PCCA: variants seen among roughly 807,000 people sequenced by gnomAD.
PCCA encodes the protein propionyl-CoA carboxylase subunit alpha.
In PCCA, 74 loss-of-function variants were observed where a neutral mutation model predicts 101.3. The observed-to-expected ratio is 0.73, with a 90% CI of 0.61 to 0.89. The LOEUF is 0.89. Ranked by LOEUF, PCCA falls within the 40% of genes least tolerant of loss-of-function variation. The pLI, the probability that PCCA is intolerant of heterozygous loss-of-function variation, is 0.00. For missense variants in PCCA, 891 were observed against 907.0 expected (o/e 0.98, Z 0.23); for synonymous variants, 294 against 313.6 (o/e 0.94, Z 0.66).
At chr13:100,317,039 A>G (rs912153704) in intron 16 of PCCA, among the ~76,000 whole-genome samples, 1 of 152,084 alleles carries the variant, frequency 6.6e-6, no homozygotes. Context: ...TCCCAAAATG[A>G]ACAATACTAT....
chr13:100,140,533 G>T (rs1338982742), intron 4 of PCCA, among the ~76,000 whole-genome samples: 1 of 152,178 alleles, frequency 6.6e-6, no homozygotes, highest in Non-Finnish European at 1.5e-5. Context: ...CTCCATCAGT[G>T]TCCCCATGCC....
intron 6 of PCCA, among the ~76,000 whole-genome samples, chr13:100,207,347 C>A (rs1377383563): frequency 6.6e-6 from 1 of 152,030 alleles, no homozygotes; most frequent in Non-Finnish European, 1.5e-5. Flanking sequence ...CTTTTCTACT[C>A]ATTTTCTCTG....
At chr13:100,403,907 C>A (rs1052997915) in intron 19 of PCCA, among the ~76,000 whole-genome samples, 2 of 152,108 alleles carry the variant, frequency 1.3e-5, no homozygotes, top group African/African-American at 2.4e-5. Flanking sequence ...TTCCAAGAAC[C>A]CCCTCCCTCC....
At chr13:100,181,187 T>C (rs1193183422) in intron 6 of PCCA, among the ~76,000 whole-genome samples, 2 of 152,298 alleles carry the variant, frequency 1.3e-5, no homozygotes, top group East Asian at 1.9e-4. Flanking sequence ...TTGGGAGATA[T>C]ATTTTTGGAA....
At chr13:100,283,446 A>G (rs1267662050) in intron 12 of PCCA, among the ~76,000 whole-genome samples, 3 of 152,198 alleles carry the variant, frequency 2.0e-5, no homozygotes, top group Non-Finnish European at 4.4e-5. Flanking sequence ...GCCATAACTC[A>G]GGGAAAGGAA....
At chr13:100,245,340 G>C (rs948673489) in intron 8 of PCCA, among the ~76,000 whole-genome samples, 1 of 152,164 alleles carries the variant, frequency 6.6e-6, no homozygotes, top group African/African-American at 2.4e-5. Context: ...TTCTGAACTA[G>C]ATTCCTTGGA....
At chr13:100,502,732 G>T (rs3783180) in intron 21 of PCCA, among the ~76,000 whole-genome samples, 33,335 of 152,214 alleles carry the variant, frequency 0.22, 4,762 homozygotes, top group East Asian at 0.55. Flanking sequence ...GGTAGGATAT[G>T]AGACAGACTC....
intron 4 of PCCA, among the ~76,000 whole-genome samples, chr13:100,146,929 AGGAGAAT>A (rs1248632359): frequency 6.6e-6 from 1 of 151,808 alleles, no homozygotes; most frequent in Non-Finnish European, 1.5e-5. Context: ...GTCCAATACT[AGGAGAAT>A]GGTTAAATAA....
intron 21 of PCCA, among the ~76,000 whole-genome samples, chr13:100,474,046 C>A (rs1273388974): frequency 6.6e-6 from 1 of 152,160 alleles, no homozygotes; most frequent in Non-Finnish European, 1.5e-5. Flanking sequence ...GTTCCCTGTG[C>A]CACCTGCCAT....
intron 20 of PCCA, 40 bp from the exon 21 acceptor site, chr13:100,449,212 C>A: frequency 1.6e-6 from 2 of 1,276,396 alleles, no homozygotes; most frequent in South Asian, 2.6e-5. Flanking sequence ...ACAAGCTGTG[C>A]AGATATGAGT....
intron 21 of PCCA, chr13:100,464,373 T>C (rs1220008768): frequency 6.6e-6 from 1 of 152,228 alleles, no homozygotes; most frequent in Non-Finnish European, 1.5e-5. Context: ...TATCTGCTTT[T>C]ATGGAGATGG....
intron 21 of PCCA, among the ~76,000 whole-genome samples, chr13:100,498,843 T>A (rs1466162473): frequency 1.3e-5 from 2 of 152,226 alleles, no homozygotes; most frequent in Non-Finnish European, 2.9e-5. Context: ...GAGTGATATT[T>A]CCTGGGGTGG....
At chr13:100,247,318 A>G (rs2061496414) in intron 8 of PCCA, among the ~76,000 whole-genome samples, 1 of 145,100 alleles carries the variant, frequency 6.9e-6, no homozygotes, top group African/African-American at 2.6e-5. Flanking sequence ...CCAGGTTCAC[A>G]CCGTTCTCTT....
intron 21 of PCCA, among the ~76,000 whole-genome samples, chr13:100,471,525 G>C (rs1185971483): frequency 6.6e-6 from 1 of 152,170 alleles, no homozygotes; most frequent in Admixed American, 6.5e-5. Context: ...ACACAATAGA[G>C]TGAAGCCTAA....
intron 22 of PCCA, among the ~76,000 whole-genome samples, chr13:100,520,637 A>G (rs2087205630): frequency 6.7e-6 from 1 of 148,720 alleles, no homozygotes; most frequent in Non-Finnish European, 1.5e-5. Flanking sequence ...TCCGTCTCAA[A>G]AAAAAAAAAA....
chr13:100,240,408 A>T (rs2061053378), intron 8 of PCCA, among the ~76,000 whole-genome samples: 1 of 148,104 alleles, frequency 6.8e-6, no homozygotes, highest in Non-Finnish European at 1.5e-5. Context: ...GTGAAGGGGG[A>T]TGGCAGGACC....
chr13:100,179,919 G>T (rs2056634398), intron 6 of PCCA, among the ~76,000 whole-genome samples: 1 of 152,176 alleles, frequency 6.6e-6, no homozygotes, highest in South Asian at 2.1e-4. Context: ...GCTGGAATGA[G>T]ATTTGAGACA....
At chr13:100,497,670 T>C (rs1462596320) in intron 21 of PCCA, among the ~76,000 whole-genome samples, 1 of 152,098 alleles carries the variant, frequency 6.6e-6, no homozygotes, top group Non-Finnish European at 1.5e-5. Flanking sequence ...CCATTAGTGA[T>C]GCTGTCAGCA....
At chr13:100,146,851 A>G (rs1350086823) in intron 4 of PCCA, among the ~76,000 whole-genome samples, 2 of 151,622 alleles carry the variant, frequency 1.3e-5, no homozygotes, top group Non-Finnish European at 2.9e-5. Flanking sequence ...AGAAATATAC[A>G]TATGTATGCA....
Sources: allele counts gnomAD v4.1 joint callset (sites outside exome capture counted in the v4.1 genomes callset), GRCh38; gene constraint gnomAD v4.1.1; transcripts MANE v1.5; gene names NCBI Gene and HGNC (gene_info 2026-07-23, HGNC 2026-07-21).